Variants in SHOC2 observed in about 807,000 individuals in gnomAD.
The protein encoded by SHOC2 is leucine-rich repeat protein SHOC-2.
Under a neutral mutation model 50.2 loss-of-function variants are expected in SHOC2, and 4 were observed. The observed-to-expected ratio is 0.08, with a 90% CI of 0.04 to 0.18. The LOEUF is 0.18. SHOC2 is among the 10% of genes least tolerant of loss of function. SHOC2 has a pLI of 1.00. For missense variants in SHOC2, 388 were observed against 669.6 expected, an observed-to-expected ratio of 0.58 and a Z score of 4.64; for synonymous variants, 218 against 244.5, an observed-to-expected ratio of 0.89 and a Z score of 1.01.
chr10:110,925,070 C>CAAAAAAA (rs763203844), intron 1 of SHOC2, among the ~76,000 whole-genome samples: 2 of 82,502 alleles, frequency 2.4e-5, no homozygotes, highest in African/African-American at 4.9e-5. Flanking sequence ...GACTCTGTCT[C>CAAAAAAA]AAAAAAAAAA....
At chr10:110,937,736 C>G (rs547617579) in intron 1 of SHOC2, among the ~76,000 whole-genome samples, 2 of 152,248 alleles carry the variant, frequency 1.3e-5, no homozygotes, top group Middle Eastern at 3.4e-3. Context: ...TACAGAGGCT[C>G]TTTTGGATAA....
chr10:110,938,604 A>C lies in SHOC2; in HGVS notation c.-235+18947A>C, dbSNP rs569373401. Among the ~76,000 whole-genome samples the C allele has an allele frequency of 1.7e-4, 26 of 152,322 alleles. No individual in the cohort carries two copies. In the South Asian group the frequency reaches 5.4e-3, roughly 32 times the overall value. ...CCAAAAAGGGTTTTGTGATCCAAATAAATTTGGGATATCTTCTATGTAATA... is the reference window on the plus strand; with the variant it reads ...CCAAAAAGGGTTTTGTGATCCAAATCAATTTGGGATATCTTCTATGTAATA... On this transcript the variant is annotated intron_variant, in intron 1 of 8. Transcript: ENST00000369452.
chr10:110,955,540 C>T (rs567415432), intron 1 of SHOC2, among the ~76,000 whole-genome samples: 1 of 152,188 alleles, frequency 6.6e-6, no homozygotes, highest in South Asian at 2.1e-4. Context: ...TTATTGAGGT[C>T]TCTGTATGCA....
intron 1 of SHOC2, among the ~76,000 whole-genome samples, chr10:110,924,409 G>A (rs1452342379): frequency 6.6e-6 from 1 of 152,162 alleles, no homozygotes; most frequent in Non-Finnish European, 1.5e-5. Flanking sequence ...GAACTCTTGA[G>A]GAATAAGTAG....
At chr10:111,007,692 C>G in intron 6 of SHOC2, 39 bp downstream of exon 6, 1 of 1,602,592 alleles carries the variant, frequency 6.2e-7, no homozygotes, top group Non-Finnish European at 8.5e-7. Flanking sequence ...TCAGAACCTT[C>G]CATACGTATC....
intron 1 of SHOC2, among the ~76,000 whole-genome samples, chr10:110,945,416 A>C (rs1473657991): frequency 6.6e-6 from 1 of 152,194 alleles, no homozygotes; most frequent in Non-Finnish European, 1.5e-5. Flanking sequence ...AGAGCAAGGG[A>C]TGGGACTAGG....
chr10:110,942,329 A>G (rs1367376278), intron 1 of SHOC2, among the ~76,000 whole-genome samples: 1 of 152,146 alleles, frequency 6.6e-6, no homozygotes, highest in East Asian at 1.9e-4. Flanking sequence ...ATCACTGGCA[A>G]CAAATATTCT....
At chr10:110,986,947 A>G (rs1487576849) in intron 3 of SHOC2, among the ~76,000 whole-genome samples, 1 of 152,192 alleles carries the variant, frequency 6.6e-6, no homozygotes, top group Non-Finnish European at 1.5e-5. Flanking sequence ...CAAGTGATTA[A>G]AAGTTTTGCT....
intron 1 of SHOC2, among the ~76,000 whole-genome samples, chr10:110,956,784 A>G (rs1214722423): frequency 6.6e-6 from 1 of 152,188 alleles, no homozygotes; most frequent in African/African-American, 2.4e-5. Context: ...TAAAAGAAAA[A>G]ATAAATGATT....
chr10:111,009,971 A>G, intron 8 of SHOC2, 141 bp downstream of exon 8: 1 of 611,504 alleles, frequency 1.6e-6, no homozygotes, highest in Non-Finnish European at 2.9e-6. Flanking sequence ...TTAATAGAGC[A>G]CCGATGGTTG....
intron 4 of SHOC2, among the ~76,000 whole-genome samples, chr10:111,001,643 T>A (rs1158365441): frequency 1.3e-5 from 2 of 152,224 alleles, no homozygotes; most frequent in Non-Finnish European, 2.9e-5. Context: ...GCAGAGTCTT[T>A]TTTTGTAACA....
chr10:110,934,995 T>C (rs1846975461), intron 1 of SHOC2, among the ~76,000 whole-genome samples: 1 of 152,242 alleles, frequency 6.6e-6, no homozygotes, highest in African/African-American at 2.4e-5. Context: ...TTATTCATCC[T>C]TCTGCACATA....
chr10:110,921,686 A>C (rs1278071849), intron 1 of SHOC2, among the ~76,000 whole-genome samples: 5 of 152,174 alleles, frequency 3.3e-5, no homozygotes, highest in Non-Finnish European at 5.9e-5. Flanking sequence ...ACAAATATCC[A>C]ATTATACTCT....
rs1039717429 is a variant in SHOC2, at chr10:110,919,670, C to G, written c.-235+13C>G. 1.0e-5 allele frequency: 4 copies of G among 398,580 alleles called. No individual in the cohort carries two copies. Among genetic ancestry groups the G allele is most frequent in the African/African-American group, 6.2e-5 (3 of 48,522 alleles). The allele number at this position is 398,580 out of a possible 1,614,324, so 24.7% of individuals were successfully genotyped here. ...GGGGCTCCTGACGGTAACTCGGGGC[C>G]GATGAGGCGGAGGGTGTCTGTTGGT... On this transcript the variant is annotated intron_variant, in intron 1 of 8. Transcript: ENST00000369452.
At chr10:110,966,946 G>A (rs1847686932) in intron 2 of SHOC2, among the ~76,000 whole-genome samples, 1 of 152,096 alleles carries the variant, frequency 6.6e-6, no homozygotes, top group Non-Finnish European at 1.5e-5. Flanking sequence ...TTTTCATAAG[G>A]AATTATGATT....
intron 1 of SHOC2, among the ~76,000 whole-genome samples, chr10:110,940,814 G>A (rs1847122260): frequency 6.6e-6 from 1 of 151,082 alleles, no homozygotes; most frequent in Non-Finnish European, 1.5e-5. Context: ...TAGAATGTTT[G>A]GATATGTTGA....
intron 1 of SHOC2, among the ~76,000 whole-genome samples, chr10:110,936,157 C>T (rs1462238292): frequency 6.9e-6 from 1 of 145,044 alleles, no homozygotes; most frequent in Admixed American, 7.1e-5. Context: ...AGTGCAATGG[C>T]GCGATCTCGG....
At chr10:111,006,976 AT>A (rs573953077) in intron 5 of SHOC2, among the ~76,000 whole-genome samples, 143 of 152,128 alleles carry the variant, frequency 9.4e-4, no homozygotes, top group African/African-American at 3.3e-3. Flanking sequence ...ATATTTTACC[AT>A]TTTTTTCTTA....
At chr10:111,002,092 T>C (rs1848388135) in intron 4 of SHOC2, among the ~76,000 whole-genome samples, 1 of 152,086 alleles carries the variant, frequency 6.6e-6, no homozygotes, top group African/African-American at 2.4e-5. Context: ...ATATATCCAG[T>C]CTTATTGTCA....
Sources: gnomAD v4.1 joint callset for allele counts (sites outside exome capture counted in the v4.1 genomes callset) on GRCh38, gnomAD v4.1.1 for gene constraint, MANE v1.5 for transcripts, NCBI Gene and HGNC (gene_info 2026-07-23, HGNC 2026-07-21) for gene names.